The following CLVS1 variants were observed in gnomAD, a reference collection of about 807,000 sequenced individuals.
CLVS1 encodes the protein clavesin 1, also known as clavesin-1.
In CLVS1, 10 loss-of-function variants were observed where a neutral mutation model predicts 33.1. That is an observed-to-expected ratio of 0.30 (90% CI 0.19 to 0.51). The LOEUF (loss-of-function observed/expected upper bound fraction) is 0.51. Ranked by LOEUF, CLVS1 falls within the 20% of genes least tolerant of loss-of-function variation. CLVS1 has a pLI of 0.97. For missense variants in CLVS1, 343 were observed against 433.4 expected, an observed-to-expected ratio of 0.79 and a Z score of 1.85; for synonymous variants, 163 against 166.1, an observed-to-expected ratio of 0.98 and a Z score of 0.14.
chr8:61,036,578 C>T, the CLVS1 span, among the ~76,000 whole-genome samples: 3 of 152,186 alleles, frequency 2.0e-5, no homozygotes, highest in Non-Finnish European at 4.4e-5. Context: ...GTCCTCTCCT[C>T]CCCCTCCTCT....
At chr8:61,170,207 C>T (rs1806965179) in intron 2 of CLVS1, among the ~76,000 whole-genome samples, 2 of 152,164 alleles carry the variant, frequency 1.3e-5, no homozygotes, top group African/African-American at 4.8e-5. Flanking sequence ...TTGGGCATTA[C>T]ACTGGCTACT....
chr8:61,491,491 T>A lies in CLVS1; in HGVS notation c.978-7964T>A, dbSNP rs570356930. 4.6e-5 allele frequency among the ~76,000 whole-genome samples: 7 copies of A among 152,368 alleles called. No individual in the cohort carries two copies. The South Asian group carries it at 1.2e-3, about 27-fold the overall frequency. ...ACAACTTCAAAAAGAACTTATTTTT[T>A]AAGTAGTTTATATTACTTCCTGAAG... is the stretch of plus-strand genomic sequence containing the variant. On this transcript the variant is annotated intron_variant, in intron 5 of 5. Transcript: ENST00000325897.
chr8:61,372,780 C>T (rs1813492394), intron 2 of CLVS1, among the ~76,000 whole-genome samples: 1 of 152,016 alleles, frequency 6.6e-6, no homozygotes, highest in South Asian at 2.1e-4. Context: ...TGTAGAATGT[C>T]CCTCAATTGG....
intron 2 of CLVS1, among the ~76,000 whole-genome samples, chr8:61,270,178 A>T (rs1809404423): frequency 6.6e-6 from 1 of 152,084 alleles, no homozygotes; most frequent in African/African-American, 2.4e-5. Context: ...ATTATTTTGA[A>T]ATACGTCCCA....
the CLVS1 span, among the ~76,000 whole-genome samples, chr8:61,011,420 G>T: frequency 2.0e-5 from 3 of 152,076 alleles, no homozygotes; most frequent in Non-Finnish European, 4.4e-5. Context: ...TCGTATTGCA[G>T]GTAGCCTGAT....
At chr8:61,366,788 G>A (rs1206546713) in intron 2 of CLVS1, among the ~76,000 whole-genome samples, 1 of 152,180 alleles carries the variant, frequency 6.6e-6, no homozygotes, top group Non-Finnish European at 1.5e-5. Context: ...AATAGGACAG[G>A]AAATATTCTC....
upstream of CLVS1, among the ~76,000 whole-genome samples, chr8:61,287,764 C>G (rs894061676): frequency 6.6e-6 from 1 of 152,158 alleles, no homozygotes; most frequent in East Asian, 1.9e-4. Flanking sequence ...TCTGCTTTTG[C>G]GCTTTCATTA....
chr8:61,418,202 T>C (rs1466931101), intron 3 of CLVS1, among the ~76,000 whole-genome samples: 3 of 152,206 alleles, frequency 2.0e-5, no homozygotes, highest in Admixed American at 6.5e-5. Context: ...TTAATTTTTT[T>C]AATGTAAAAT....
chr8:61,359,908 A>G (rs1215728567), intron 2 of CLVS1, among the ~76,000 whole-genome samples: 4 of 152,126 alleles, frequency 2.6e-5, no homozygotes, highest in Admixed American at 2.0e-4. Flanking sequence ...GTTCCTAGGC[A>G]TTTGAGTTGC....
At chr8:61,240,157 T>C (rs1480010787) in intron 2 of CLVS1, among the ~76,000 whole-genome samples, 2 of 152,250 alleles carry the variant, frequency 1.3e-5, no homozygotes, top group African/African-American at 4.8e-5. Context: ...GGAGAGGTTA[T>C]AGCGCTGCTT....
chr8:61,062,303 G>A (rs1166441842), intron 1 of CLVS1, among the ~76,000 whole-genome samples: 2 of 152,194 alleles, frequency 1.3e-5, no homozygotes, highest in African/African-American at 4.8e-5. Flanking sequence ...TGCACACCTT[G>A]AAATAACCAG....
the CLVS1 span, among the ~76,000 whole-genome samples, chr8:60,980,220 C>T: frequency 1.3e-5 from 2 of 152,206 alleles, no homozygotes; most frequent in Non-Finnish European, 1.5e-5. Flanking sequence ...TCTTCTAGGT[C>T]TTGGGGAAAA....
At chr8:61,178,996 A>G (rs2129300063) in intron 2 of CLVS1, among the ~76,000 whole-genome samples, 1 of 152,368 alleles carries the variant, frequency 6.6e-6, no homozygotes, top group East Asian at 1.9e-4. Flanking sequence ...ACACAAAAGA[A>G]TACTAACCTT....
chr8:61,216,790 G>A (rs901375888), intron 2 of CLVS1, among the ~76,000 whole-genome samples: 3 of 152,160 alleles, frequency 2.0e-5, no homozygotes, highest in Non-Finnish European at 4.4e-5. Flanking sequence ...TTTGGATCCC[G>A]ATAGCCTAGC....
chr8:61,087,235 TG>T (rs1260744328), intron 1 of CLVS1, among the ~76,000 whole-genome samples: 1 of 152,142 alleles, frequency 6.6e-6, no homozygotes, highest in African/African-American at 2.4e-5. Flanking sequence ...GGTCTATCAG[TG>T]GTCCAGCAGA....
chr8:61,269,353 T>C (rs1206886349), intron 2 of CLVS1, among the ~76,000 whole-genome samples: 3 of 152,200 alleles, frequency 2.0e-5, no homozygotes, highest in Non-Finnish European at 4.4e-5. Context: ...TTCTGAGGGC[T>C]CTGTTCTGTT....
chr8:61,094,054 C>T (rs1805303775), intron 1 of CLVS1, among the ~76,000 whole-genome samples: 1 of 152,214 alleles, frequency 6.6e-6, no homozygotes. Context: ...CTGTGCACAG[C>T]CAGGCGCTTG....
rs1808170669 is a variant in CLVS1, at chr8:61,219,775, G to A, written c.-151-79902G>A. On this transcript the variant is annotated intron_variant, in intron 2 of 2. Coordinates refer to the CLVS1 transcript ENST00000522621. ...TTTACATTACCACCAACAGTGTAAA[G>A]GTGTTCCTATTCCTCCACAGCCTTG... Among the ~76,000 whole-genome samples the A allele has an allele frequency of 2.0e-5, 3 of 152,086 alleles. No homozygotes were observed. The South Asian group carries it at 6.2e-4, about 32-fold the overall frequency.
chr8:61,216,789 C>T (rs796476397), intron 2 of CLVS1, among the ~76,000 whole-genome samples: 6 of 152,070 alleles, frequency 3.9e-5, no homozygotes, highest in Admixed American at 1.3e-4. Flanking sequence ...GTTTGGATCC[C>T]GATAGCCTAG....
Sources: allele counts gnomAD v4.1 joint callset (sites outside exome capture counted in the v4.1 genomes callset), GRCh38; gene constraint gnomAD v4.1.1; transcripts MANE v1.5; gene names NCBI Gene and HGNC (gene_info 2026-07-23, HGNC 2026-07-21).